The following PAK2 variants were observed in gnomAD, a reference collection of about 807,000 sequenced individuals.
PAK2 encodes serine/threonine-protein kinase PAK 2.
In PAK2, 21 loss-of-function variants were observed where a neutral mutation model predicts 65.9. The observed-to-expected ratio is 0.32, with a 90% CI of 0.23 to 0.46. The LOEUF is 0.46. Ranked by LOEUF, PAK2 falls within the 20% of genes least tolerant of loss-of-function variation. PAK2 has a pLI of 1.00. For synonymous variants in PAK2, 204 were observed against 219.7 expected, an observed-to-expected ratio of 0.93 and a Z score of 0.63; for missense variants, 324 against 642.6, an observed-to-expected ratio of 0.50 and a Z score of 5.36.
chr3:196,797,533 C>G (rs1167074648), intron 2 of PAK2, among the ~76,000 whole-genome samples: 1 of 151,906 alleles, frequency 6.6e-6, no homozygotes, highest in Non-Finnish European at 1.5e-5. Context: ...GTGGGTGGAT[C>G]ATGAGGTCAG....
chr3:196,766,398 C>T (rs1216266261), intron 1 of PAK2, among the ~76,000 whole-genome samples: 1 of 151,980 alleles, frequency 6.6e-6, no homozygotes, highest in African/African-American at 2.4e-5. Flanking sequence ...AAAAAGTTAC[C>T]ATTATAGATA....
At chr3:196,813,227 T>TTA (rs1358289519) in intron 10 of PAK2, among the ~76,000 whole-genome samples, 1 of 152,054 alleles carries the variant, frequency 6.6e-6, no homozygotes, top group African/African-American at 2.4e-5. Flanking sequence ...ATGGACAAAT[T>TTA]TATATGTCTA....
At chr3:196,742,785 C>T (rs947504540) in intron 1 of PAK2, among the ~76,000 whole-genome samples, 1 of 152,162 alleles carries the variant, frequency 6.6e-6, no homozygotes, top group Non-Finnish European at 1.5e-5. Flanking sequence ...GGCTTGGTGG[C>T]AGGCGCCTGT....
chr3:196,759,452 A>G (rs921251323), intron 1 of PAK2, among the ~76,000 whole-genome samples: 3 of 148,672 alleles, frequency 2.0e-5, no homozygotes, highest in Non-Finnish European at 3.0e-5. Context: ...ATATTCATAT[A>G]CAGTAAAATT....
intron 1 of PAK2, among the ~76,000 whole-genome samples, chr3:196,762,452 C>T (rs889436353): frequency 4.0e-5 from 6 of 148,672 alleles, no homozygotes; most frequent in Non-Finnish European, 9.0e-5. Context: ...CCCGGCACCT[C>T]GGGAGGCCGA....
At position 196,765,261 on chromosome 3, in the gene PAK2, C is replaced by T. The variant is rs920300777; in HGVS notation, c.-21-17365C>T. On this transcript the variant is annotated intron_variant, in intron 1 of 14. Coordinates refer to ENST00000327134, the MANE Select transcript of PAK2 (RefSeq NM_002577.4). ...CTCCCGAGTTCAAGCGATTCTCTTG[C>T]CTCAGCCTCCTGAGTAGCTGGGATT... Among the ~76,000 whole-genome samples, 19 of 151,582 alleles carry T rather than the reference C, an allele frequency of 1.3e-4. 1 individual carries two copies. The East Asian group carries it at 3.7e-3, about 29-fold the overall frequency.
chr3:196,753,407 C>T (rs1035416515), intron 1 of PAK2, among the ~76,000 whole-genome samples: 1 of 151,374 alleles, frequency 6.6e-6, no homozygotes, highest in African/African-American at 2.4e-5. Flanking sequence ...ACCACACCCG[C>T]CTAATTTCTG....
chr3:196,820,384 C>T lies in PAK2; in HGVS notation c.1167C>T (p.Phe389=), dbSNP rs1711608244. The T allele has an allele frequency of 1.3e-6, 2 of 1,575,764 alleles. No homozygotes were observed. The highest frequency in any genetic ancestry group is 1.7e-6 in the Non-Finnish European group (2 of 1,159,854). The stretch of plus-strand genomic sequence containing the variant: ...TTTGTTTTGTAGCTGACTTTGGTTT[C>T]TGTGCCCAGATCACCCCTGAGCAGA... ...EGSVKLTDFG[F]CAQITPEQSK... The change falls in exon 13 of 15, where the codon TTC becomes TTT. Residue 389 remains phenylalanine (F), a synonymous_variant. Coordinates refer to ENST00000327134, the MANE Select transcript of PAK2 (RefSeq NM_002577.4). This position sits in a 1 kb window ranked among gnomAD's most constrained non-coding sequence, Gnocchi z 4.6.
chr3:196,760,697 C>G (rs1713930939), intron 1 of PAK2, among the ~76,000 whole-genome samples: 1 of 152,126 alleles, frequency 6.6e-6, no homozygotes, highest in Non-Finnish European at 1.5e-5. Flanking sequence ...CTTATGCTAT[C>G]CAAATTATTT....
rs1208200034 is a variant in PAK2, at chr3:196,808,557, C to CAAAAAAAAAAAAAAAAA, written c.709+645_709+661dup. Among the ~76,000 whole-genome samples, 22 of 56,562 alleles carry CAAAAAAAAAAAAAAAAA rather than the reference C, an allele frequency of 3.9e-4. 1 individual carries two copies. The highest frequency in any genetic ancestry group is 1.3e-3 in the African/African-American group (20 of 14,924). 37.1% of individuals were successfully genotyped at this position (56,562 alleles called of 152,430 possible). A position where few individuals can be genotyped will look rare whatever the true frequency, so the allele number is the denominator to read the frequency against. Reference sequence around the variant, plus strand: ...GCCTGGCAACAGTGAGACTCCATCTCAAAAAAAAAAAAAAAAAAGCGAACC... The same window carrying CAAAAAAAAAAAAAAAAA: ...GCCTGGCAACAGTGAGACTCCATCTCAAAAAAAAAAAAAAAAAAAAAAAAAAAAAAAAAAAGCGAACC... On this transcript the variant is annotated intron_variant, in intron 7 of 14. Transcript: ENST00000327134.
chr3:196,809,097 A>C (rs1450134845), intron 7 of PAK2, among the ~76,000 whole-genome samples: 1 of 150,946 alleles, frequency 6.6e-6, no homozygotes, highest in Non-Finnish European at 1.5e-5. Context: ...AAAAAAAGAA[A>C]ATTAACGAGA....
chr3:196,746,426 G>T (rs942717946), intron 1 of PAK2, among the ~76,000 whole-genome samples: 46 of 152,092 alleles, frequency 3.0e-4, no homozygotes, highest in African/African-American at 1.1e-3. Flanking sequence ...GTATCACAAG[G>T]TATATATCGT....
Position 196,810,695 on chromosome 3 carries a change from G to C in PAK2, c.773+42G>C, listed in dbSNP as rs765620487. On this transcript the variant is annotated intron_variant, in intron 8 of 14. Coordinates refer to ENST00000327134, the MANE Select transcript of PAK2 (RefSeq NM_002577.4). ...GTATTACGATAATATTCAGTATTCA[G>C]TATTTCCTGGCTTTATAGCATGATG... The C allele has an allele frequency of 1.4e-5, 14 of 980,638 alleles. No homozygotes were observed. The African/African-American group carries it at 2.2e-4, about 16-fold the overall frequency. 60.7% of individuals were successfully genotyped at this position (980,638 alleles called of 1,614,324 possible).
chr3:196,819,180 G>A (rs901079526), intron 12 of PAK2, among the ~76,000 whole-genome samples: 2 of 152,104 alleles, frequency 1.3e-5, no homozygotes, highest in Non-Finnish European at 2.9e-5. Flanking sequence ...AGTGGCTCAC[G>A]CCTGTAATCC....
rs1208609195 is a variant in PAK2, at chr3:196,811,214, T to C, written c.773+561T>C. On this transcript the variant is annotated intron_variant, in intron 8 of 14. Transcript: ENST00000327134. ...GAATTCCTTCCTCCCTTCCTTCCCT[T>C]CCCTCCCTCCCTTCCCTTCCCTTCC... 1.9e-4 allele frequency among the ~76,000 whole-genome samples: 5 copies of C among 27,006 alleles called. 1 individual carries two copies. Among genetic ancestry groups the C allele is most frequent in the African/African-American group, 8.7e-4 (4 of 4,576 alleles). 17.7% of individuals were successfully genotyped at this position (27,006 alleles called of 152,430 possible). A position where few individuals can be genotyped will look rare whatever the true frequency, so the allele number is the denominator to read the frequency against.
chr3:196,804,806 G>T (rs1449906245), intron 4 of PAK2, among the ~76,000 whole-genome samples: 5 of 142,602 alleles, frequency 3.5e-5, no homozygotes, highest in African/African-American at 5.2e-5. Flanking sequence ...GTGTGTGTGT[G>T]ATATATATAT....
chr3:196,751,694 T>TATATATATATATATATATAAA (rs1211217848), intron 1 of PAK2, among the ~76,000 whole-genome samples: 2 of 45,850 alleles, frequency 4.4e-5, no homozygotes, highest in African/African-American at 2.3e-4. Context: ...TATATATATA[T>TATATATATATATATATATAAA]AATTCAGGCT....
chr3:196,815,213 G>T (rs916544150), intron 11 of PAK2, among the ~76,000 whole-genome samples: 1 of 151,332 alleles, frequency 6.6e-6, no homozygotes, highest in African/African-American at 2.4e-5. Flanking sequence ...CCACTTAGCT[G>T]GAAGTGGTGG....
chr3:196,792,943 A>G (rs1453102887), intron 2 of PAK2, among the ~76,000 whole-genome samples: 1 of 152,222 alleles, frequency 6.6e-6, no homozygotes, highest in East Asian at 1.9e-4. Context: ...AGAGAAACAC[A>G]TAACCTAAGC....
Sources: allele counts gnomAD v4.1 joint callset (sites outside exome capture counted in the v4.1 genomes callset), GRCh38; gene constraint gnomAD v4.1.1; non-coding constraint Gnocchi (gnomAD v3.1); transcripts MANE v1.5; gene names NCBI Gene and HGNC (gene_info 2026-07-23, HGNC 2026-07-21).